RHOJ: variants seen among roughly 807,000 people sequenced by gnomAD.
RHOJ encodes the protein rho-related GTP-binding protein RhoJ.
A neutral mutation model predicts 23.4 loss-of-function variants in RHOJ; 11 were observed. The ratio of observed to expected loss-of-function variants is 0.47; its 90% confidence interval spans 0.30 to 0.78. RHOJ has a LOEUF of 0.78. Among genes scored for constraint, RHOJ ranks in the 30% least tolerant of loss-of-function variants. The probability of loss-of-function intolerance (pLI) is 0.08; values close to 1 mark genes in which losing one functional copy is unlikely to be tolerated. For synonymous variants in RHOJ, 102 were observed against 102.7 expected (o/e 0.99, Z 0.04); for missense variants, 254 against 273.4 (o/e 0.93, Z 0.50).
chr14:63,218,622 T>G (rs1007671149), intron 1 of RHOJ, among the ~76,000 whole-genome samples: 8 of 152,328 alleles, frequency 5.3e-5, no homozygotes, highest in Admixed American at 5.2e-4. Flanking sequence ...TTAAGGGTAG[T>G]GCACATCAGC....
At chr14:63,210,577 A>G (rs1214823003) in intron 1 of RHOJ, among the ~76,000 whole-genome samples, 1 of 152,200 alleles carries the variant, frequency 6.6e-6, no homozygotes, top group Non-Finnish European at 1.5e-5. Flanking sequence ...GGATGACTCA[A>G]CGCGTCCCAA....
chr14:63,205,455 G>A lies in RHOJ; in HGVS notation c.178+408G>A, dbSNP rs148191162. Among the ~76,000 whole-genome samples, 47 of 152,270 alleles carry A rather than the reference G, an allele frequency of 3.1e-4. 1 individual carries two copies. The highest frequency in any genetic ancestry group is 1.0e-3 in the African/African-American group (43 of 41,570). ...CACAAATGGTGAAAGGATTGTTCTT[G>A]CCGCTCTTTGCGTATTCACCTCATG... On this transcript the variant is annotated intron_variant, in intron 1 of 4. Transcript: ENST00000316754.
chr14:63,269,596 G>T (rs1233736590), intron 2 of RHOJ, among the ~76,000 whole-genome samples: 1 of 152,158 alleles, frequency 6.6e-6, no homozygotes, highest in African/African-American at 2.4e-5. Flanking sequence ...CCCAAAAAGA[G>T]ATTGGTGGGG....
chr14:63,276,005 G>A (rs1881709073), intron 2 of RHOJ, among the ~76,000 whole-genome samples: 1 of 152,198 alleles, frequency 6.6e-6, no homozygotes, highest in African/African-American at 2.4e-5. Flanking sequence ...CCAGGTGTGA[G>A]CCTTCTTTAA....
chr14:63,279,131 C>T (rs1881820411), intron 2 of RHOJ, among the ~76,000 whole-genome samples: 1 of 152,200 alleles, frequency 6.6e-6, no homozygotes. Context: ...TCAATGTTTG[C>T]ATTTTTGCAA....
intron 2 of RHOJ, among the ~76,000 whole-genome samples, chr14:63,273,541 ATTCACCAGC>A (rs1017490965): frequency 6.6e-6 from 1 of 152,188 alleles, no homozygotes; most frequent in African/African-American, 2.4e-5. Flanking sequence ...AACCCTGGGC[ATTCACCAGC>A]TGAGGAACTT....
At chr14:63,240,368 T>G (rs187706325) in intron 1 of RHOJ, among the ~76,000 whole-genome samples, 1 of 152,342 alleles carries the variant, frequency 6.6e-6, no homozygotes, top group Admixed American at 6.5e-5. Context: ...CTATATTAGT[T>G]GCTATGCGGA....
chr14:63,274,033 A>G (rs1330381209), intron 2 of RHOJ, among the ~76,000 whole-genome samples: 1 of 152,142 alleles, frequency 6.6e-6, no homozygotes, highest in Non-Finnish European at 1.5e-5. Context: ...CTTGTTGCAC[A>G]TCTCCCCCAG....
intron 2 of RHOJ, among the ~76,000 whole-genome samples, chr14:63,277,820 C>G (rs1185880378): frequency 6.6e-6 from 1 of 152,122 alleles, no homozygotes; most frequent in African/African-American, 2.4e-5. Flanking sequence ...TACAGCTGCT[C>G]TTTAAGGGAA....
chr14:63,243,052 C>T (rs1253072561), intron 1 of RHOJ, among the ~76,000 whole-genome samples: 3 of 152,070 alleles, frequency 2.0e-5, no homozygotes, highest in Non-Finnish European at 4.4e-5. Context: ...AGTGGACAAG[C>T]GGTACTTGCA....
chr14:63,209,818 G>A (rs1328505717), intron 1 of RHOJ, among the ~76,000 whole-genome samples: 2 of 151,878 alleles, frequency 1.3e-5, no homozygotes, highest in East Asian at 3.9e-4. Flanking sequence ...TTGTCCAATA[G>A]ATATCTGTTT....
intron 1 of RHOJ, among the ~76,000 whole-genome samples, chr14:63,238,704 G>C (rs980358589): frequency 2.0e-5 from 3 of 152,202 alleles, no homozygotes; most frequent in Non-Finnish European, 4.4e-5. Context: ...TTATAGGCAT[G>C]AGAAACTGCA....
At chr14:63,210,477 G>A (rs972662386) in intron 1 of RHOJ, among the ~76,000 whole-genome samples, 7 of 152,220 alleles carry the variant, frequency 4.6e-5, no homozygotes, top group Non-Finnish European at 2.9e-5. Flanking sequence ...AAGGGTAGGA[G>A]CAGTGGGATG....
intron 1 of RHOJ, among the ~76,000 whole-genome samples, chr14:63,268,763 C>A (rs1157326236): frequency 2.0e-5 from 3 of 152,090 alleles, no homozygotes; most frequent in Non-Finnish European, 4.4e-5. Flanking sequence ...GAAAAGAAGG[C>A]AATAACCTAA....
intron 1 of RHOJ, among the ~76,000 whole-genome samples, chr14:63,254,460 A>C (rs1895127534): frequency 6.6e-6 from 1 of 152,136 alleles, no homozygotes; most frequent in Non-Finnish European, 1.5e-5. Context: ...CATTTAAGCC[A>C]TCCATTCATT....
chr14:63,238,010 C>T (rs890234893), intron 1 of RHOJ, among the ~76,000 whole-genome samples: 21 of 152,200 alleles, frequency 1.4e-4, no homozygotes, highest in African/African-American at 5.1e-4. Context: ...CCATATTCAC[C>T]ACACTCTAGA....
chr14:63,283,230 T>C lies in RHOJ; in HGVS notation c.498+14T>C. On this transcript the variant is annotated intron_variant, in intron 4 of 4. Coordinates refer to ENST00000316754, the MANE Select transcript of RHOJ (RefSeq NM_020663.5). The stretch of plus-strand genomic sequence containing the variant: ...CTCGCAAAAGCGGTACAGTCAGATT[T>C]GAATTTCATTTTAAATGTATGCTGA... 2 of 1,594,706 alleles carry C rather than the reference T, an allele frequency of 1.3e-6. No homozygotes were observed.
chr14:63,213,782 G>T (rs1009202669), intron 1 of RHOJ, among the ~76,000 whole-genome samples: 1 of 152,134 alleles, frequency 6.6e-6, no homozygotes, highest in Non-Finnish European at 1.5e-5. Context: ...TTGGTACCCT[G>T]CCATCATCTA....
chr14:63,266,804 CAG>C (rs1895375538), intron 1 of RHOJ, among the ~76,000 whole-genome samples: 1 of 152,162 alleles, frequency 6.6e-6, no homozygotes, highest in South Asian at 2.1e-4. Flanking sequence ...AGCCTTTTGG[CAG>C]AGTCTTTATG....
Sources: allele counts gnomAD v4.1 joint callset (sites outside exome capture counted in the v4.1 genomes callset), GRCh38; gene constraint gnomAD v4.1.1; transcripts MANE v1.5; gene names NCBI Gene and HGNC (gene_info 2026-07-23, HGNC 2026-07-21).